Variants in ATRX observed in about 807,000 individuals in gnomAD.
ATRX encodes the protein ATRX chromatin remodeler, also known as chromatin remodeler ATRX.
A neutral mutation model predicts 172.6 loss-of-function variants in ATRX; 12 were observed. The ratio of observed to expected loss-of-function variants is 0.07; its 90% CI spans 0.04 to 0.11. The LOEUF (loss-of-function observed/expected upper bound fraction) is 0.11, where lower values mean the gene tolerates loss of function less well. Among genes scored for constraint, ATRX ranks in the 10% least tolerant of loss-of-function variants. The pLI is 1.00. For missense variants in ATRX, 1,368 were observed against 1,767.4 expected, an observed-to-expected ratio of 0.77 and a Z score of 4.05; for synonymous variants, 674 against 594.7, an observed-to-expected ratio of 1.13 and a Z score of -1.94.
At chrX:77,550,720 T>C (rs1441841989) in intron 30 of ATRX, among the ~76,000 whole-genome samples, 20 of 111,667 alleles carry the variant, frequency 1.8e-4, no homozygotes, top group East Asian at 5.7e-4. Context: ...GAAAACCCCA[T>C]TGTCTCAGCC....
rs1457444054 is a variant in ATRX, at chrX:77,650,651, C to T, written c.4557+1463G>A. Among the ~76,000 whole-genome samples the T allele has an allele frequency of 3.6e-5, 4 of 110,813 alleles. No homozygotes were observed. In the East Asian group the frequency reaches 1.1e-3, roughly 32 times the overall value. ...CCAGACTAAAGTGCAATGGTGCAAC[C>T]CTGGCTCACTGCAAGCTCTGCCTCC... On this transcript the variant is annotated intron_variant, in intron 15 of 34. Transcript: ENST00000373344.
chrX:77,699,166 C>G (rs1557152035), intron 2 of ATRX, among the ~76,000 whole-genome samples: 7 of 110,282 alleles, frequency 6.3e-5, no homozygotes. Flanking sequence ...TAGGGTCTCA[C>G]TCCATTGTCC....
At chrX:77,756,258 G>C (rs2075488402) in intron 1 of ATRX, among the ~76,000 whole-genome samples, 1 of 111,408 alleles carries the variant, frequency 9.0e-6, no homozygotes, top group Admixed American at 9.5e-5. Context: ...AGAATTTCAA[G>C]CCAGTGGTTC....
intron 12 of ATRX, among the ~76,000 whole-genome samples, chrX:77,660,545 C>T (rs1444285908): frequency 1.9e-5 from 2 of 106,783 alleles, no homozygotes; most frequent in South Asian, 4.1e-4. Context: ...CCGGCCTGGG[C>T]GACAAAGCAA....
chrX:77,725,365 A>C (rs2073982588), intron 1 of ATRX, among the ~76,000 whole-genome samples: 4 of 112,051 alleles, frequency 3.6e-5, no homozygotes, highest in African/African-American at 1.3e-4. Flanking sequence ...AAAACAAAAA[A>C]TGGGGAAAGA....
chrX:77,610,068 C>T (rs1019788112), intron 22 of ATRX, among the ~76,000 whole-genome samples: 1 of 111,839 alleles, frequency 8.9e-6, no homozygotes, highest in East Asian at 2.8e-4. Flanking sequence ...TTATGCATTG[C>T]ATGGCTGCAT....
rs1032858234 is a variant in ATRX, at chrX:77,585,716, A to T, written c.6217+4118T>A. Among the ~76,000 whole-genome samples the T allele has an allele frequency of 2.2e-4, 24 of 108,415 alleles. 1 individual carries two copies. Among genetic ancestry groups the T allele is most frequent in the African/African-American group, 8.0e-4 (24 of 29,950 alleles). 94.1% of individuals were successfully genotyped at this position (108,415 alleles called of 115,157 possible). On this transcript the variant is annotated intron_variant, in intron 27 of 34. Coordinates refer to ENST00000373344, the MANE Select transcript of ATRX (RefSeq NM_000489.6). ...TGCACTGTCTATTGTAGCACTGTTC[A>T]CAATAGCCAAGACTTGGAGACAACC...
chrX:77,702,619 GA>G (rs1245678492), intron 2 of ATRX, among the ~76,000 whole-genome samples: 11 of 106,697 alleles, frequency 1.0e-4, no homozygotes, highest in South Asian at 8.0e-4. Context: ...GAAATAATTT[GA>G]AAAAAAAAGA....
At chrX:77,616,288 C>T (rs1158579821) in intron 22 of ATRX, 11 of 896,218 alleles carry the variant, frequency 1.2e-5, no homozygotes, top group Non-Finnish European at 1.1e-5. Flanking sequence ...TGGGTAAATA[C>T]TTTTTAAAAA....
chrX:77,720,470 G>T (rs1195671708), intron 1 of ATRX, among the ~76,000 whole-genome samples: 1 of 110,868 alleles, frequency 9.0e-6, no homozygotes, highest in Non-Finnish European at 1.9e-5. Flanking sequence ...TCAAATAGAT[G>T]CAATAAAAAA....
chrX:77,663,878 G>A (rs1459445071), intron 11 of ATRX, among the ~76,000 whole-genome samples: 1 of 111,619 alleles, frequency 9.0e-6, no homozygotes, highest in Non-Finnish European at 1.9e-5. Context: ...GAGGTGGGCA[G>A]ATCACCTGAG....
chrX:77,697,825 A>G lies in ATRX; in HGVS notation c.190-190T>C, dbSNP rs966034560. Among the ~76,000 whole-genome samples the G allele has an allele frequency of 5.3e-5, 6 of 112,193 alleles. No homozygotes were observed. The Admixed American group carries it at 5.7e-4, about 11-fold the overall frequency. On this transcript the variant is annotated intron_variant, in intron 3 of 34. Transcript: ENST00000373344. Reference sequence around the variant, plus strand: ...ATAAGGAACACAGATGCAAAAAAATAAAAATTAAAACTAATTCTCATTTAC... The same window carrying G: ...ATAAGGAACACAGATGCAAAAAAATGAAAATTAAAACTAATTCTCATTTAC...
intron 30 of ATRX, among the ~76,000 whole-genome samples, chrX:77,537,111 G>C (rs970150584): frequency 8.9e-6 from 1 of 111,981 alleles, no homozygotes; most frequent in African/African-American, 3.2e-5. Context: ...GCCATATGGA[G>C]CTAGTGGCTC....
At chrX:77,783,088 G>A (rs2076621278) in intron 1 of ATRX, among the ~76,000 whole-genome samples, 1 of 111,118 alleles carries the variant, frequency 9.0e-6, no homozygotes, top group African/African-American at 3.3e-5. Flanking sequence ...ACAAAAATTA[G>A]CCAGGCGTGG....
At chrX:77,578,763 G>C (rs2065722407) in intron 27 of ATRX, among the ~76,000 whole-genome samples, 1 of 112,194 alleles carries the variant, frequency 8.9e-6, no homozygotes, top group Non-Finnish European at 1.9e-5. Flanking sequence ...AAAGGAGAGG[G>C]AAGAGTAAAG....
At position 77,558,654 on chromosome X, in the gene ATRX, G is replaced by C. The variant is rs2147946241; in HGVS notation, c.6504+15C>G. On this transcript the variant is annotated intron_variant, in intron 29 of 34. Transcript: ENST00000373344. ...ACATAAACTTTCAATATGAAAAAGA[G>C]AATTATAAACCTACCTGAGCTAAGA... 4.3e-6 allele frequency: 5 copies of C among 1,165,162 alleles called. No homozygotes were observed. In the Admixed American group the frequency reaches 6.7e-5, roughly 16 times the overall value.
intron 28 of ATRX, among the ~76,000 whole-genome samples, chrX:77,565,701 C>T (rs782473532): frequency 9.0e-6 from 1 of 110,796 alleles, no homozygotes; most frequent in Admixed American, 9.6e-5. Flanking sequence ...ACTAAAATTA[C>T]AAAAGTTAGC....
rs1557140161 is a variant in ATRX, at chrX:77,683,081, C to G, written c.2175G>C (p.Val725=). ...TTTCATCAGAATCTGAATTTTGATC[C>G]ACAGTCTCTGATTGCTTAGATTTTG... The part of the protein sequence containing the change: ...KLPKSKQSET[V]DQNSDSDEML... The change falls in exon 9 of 35, where the codon GTG becomes GTC. Residue 725 remains valine, a synonymous_variant. Transcript: ENST00000373344. The G allele has an allele frequency of 8.3e-7, 1 of 1,210,438 alleles. No individual in the cohort carries two copies. Among genetic ancestry groups the G allele is most frequent in the South Asian group, 1.8e-5 (1 of 56,969 alleles).
In ATRX at chrX:77,633,715, A is replaced by G. The variant is rs370596323; in HGVS notation, c.4810-3T>C. ...ACTGTATGAAGAAAACTTACCACCT[A>G]TAAGAAAACAGATTGTCACCTTCGT... is the stretch of plus-strand genomic sequence containing the variant. On this transcript the variant is annotated splice_region_variant and splice_polypyrimidine_tract_variant and intron_variant, in intron 17 of 34. Transcript: ENST00000373344. 1.7e-4 allele frequency: 210 copies of G among 1,203,207 alleles called. No individual in the cohort carries two copies. The highest frequency in any genetic ancestry group is 2.2e-4 in the Non-Finnish European group (195 of 890,261).
Sources: allele counts gnomAD v4.1 joint callset (sites outside exome capture counted in the v4.1 genomes callset), GRCh38; gene constraint gnomAD v4.1.1; transcripts MANE v1.5; gene names NCBI Gene and HGNC (gene_info 2026-07-23, HGNC 2026-07-21).